ABCB4: variants seen among roughly 807,000 people sequenced by gnomAD.
ABCB4 encodes ATP binding cassette subfamily B member 4, also known as phosphatidylcholine translocator ABCB4.
Under a neutral mutation model 145.7 loss-of-function variants are expected in ABCB4, and 76 were observed. The ratio of observed to expected loss-of-function variants is 0.52; its 90% CI spans 0.43 to 0.63. ABCB4 has a LOEUF of 0.63. Ranked by LOEUF, ABCB4 falls within the 30% of genes least tolerant of loss-of-function variation. The probability of loss-of-function intolerance (pLI) is 0.00; values close to 1 mark genes in which losing one functional copy is unlikely to be tolerated. For synonymous variants in ABCB4, 517 were observed against 566.8 expected (o/e 0.91, Z 1.25); for missense variants, 1,234 against 1,553.1 (o/e 0.79, Z 3.45).
At chr7:87,371,007 A>G in the ABCB4 span, among the ~76,000 whole-genome samples, 1,307 of 152,334 alleles carry the variant, frequency 8.6e-3, 20 homozygotes, top group African/African-American at 0.03. Flanking sequence ...TACACAGAGT[A>G]GAAGATGTTT....
chr7:87,433,637 T>C (rs1014366993), intron 14 of ABCB4, among the ~76,000 whole-genome samples: 6 of 150,854 alleles, frequency 4.0e-5, no homozygotes, highest in Admixed American at 1.3e-4. Context: ...CCAAGAGAAG[T>C]TGGCCAAAGT....
the ABCB4 span, among the ~76,000 whole-genome samples, chr7:87,371,723 G>T: frequency 4.6e-5 from 7 of 152,210 alleles, no homozygotes; most frequent in South Asian, 1.5e-3. Context: ...GGACACAGTG[G>T]CTCATGCCTG....
At chr7:87,408,298 A>G in intron 24 of ABCB4, 64 bp from the exon 25 acceptor site, 1 of 1,500,080 alleles carries the variant, frequency 6.7e-7, no homozygotes, top group South Asian at 1.2e-5. Context: ...AAGAAATATT[A>G]TTTCAAGGAA....
At chr7:87,467,636 T>A (rs942862441) in intron 3 of ABCB4, among the ~76,000 whole-genome samples, 6 of 152,208 alleles carry the variant, frequency 3.9e-5, no homozygotes, top group African/African-American at 1.4e-4. Context: ...ATTGACCACG[T>A]AGTTGGAAGT....
In ABCB4 at chr7:87,440,396, T is replaced by C. The variant is rs761696965; in HGVS notation, c.1363A>G (p.Ile455Val). 3.7e-6 allele frequency: 6 copies of C among 1,613,538 alleles called. No individual in the cohort carries two copies. The South Asian group carries it at 4.4e-5, about 12-fold the overall frequency. ...LYDPDEGTIN[I>V]DGQDIRNFNV... ...AAGTTCCTAATATCCTGCCCATCAATGTTAATCTGAAAGAAAGAAATATTT... is the reference window on the plus strand; with the variant it reads ...AAGTTCCTAATATCCTGCCCATCAACGTTAATCTGAAAGAAAGAAATATTT... Residue 455 changes from isoleucine (I) to valine (V), a missense_variant, in exon 13 of 28, where the codon ATT becomes GTT. Coordinates refer to ENST00000649586, the MANE Select transcript of ABCB4 (RefSeq NM_000443.4).
At chr7:87,393,558 G>C in the ABCB4 span, among the ~76,000 whole-genome samples, 1 of 152,070 alleles carries the variant, frequency 6.6e-6, no homozygotes, top group Non-Finnish European at 1.5e-5. Flanking sequence ...AGAAAGAAAA[G>C]ATCAAAACCT....
At chr7:87,398,933 T>A (rs1206138611), downstream of ABCB4, 1 of 303,104 alleles carries the variant, frequency 3.3e-6, no homozygotes. Flanking sequence ...CTACAAACTT[T>A]AACAATGCAA....
intron 5 of ABCB4, 37 bp from the exon 6 acceptor site, chr7:87,453,172 T>A: frequency 1.3e-6 from 2 of 1,591,066 alleles, no homozygotes; most frequent in Non-Finnish European, 1.7e-6. Context: ...AAATACCTTC[T>A]CTTTTCTTTT....
the ABCB4 span, among the ~76,000 whole-genome samples, chr7:87,391,416 T>C: frequency 2.0e-5 from 3 of 152,072 alleles, no homozygotes; most frequent in African/African-American, 4.8e-5. Flanking sequence ...ATTATCAGAG[T>C]ATTTTTTGCT....
the ABCB4 span, chr7:87,392,766 C>T: frequency 6.2e-7 from 1 of 1,613,676 alleles, no homozygotes; most frequent in Non-Finnish European, 8.5e-7. Context: ...TTACTCATAG[C>T]AAAAGAGGAA....
chr7:87,409,777 G>A (rs527640786), intron 23 of ABCB4, among the ~76,000 whole-genome samples: 15 of 152,312 alleles, frequency 9.8e-5, no homozygotes, highest in African/African-American at 3.1e-4. Flanking sequence ...AGCACAAAGT[G>A]TGTAAGGGCC....
intron 4 of ABCB4, among the ~76,000 whole-genome samples, chr7:87,456,578 G>A (rs1197908411): frequency 6.6e-6 from 1 of 152,164 alleles, no homozygotes; most frequent in Non-Finnish European, 1.5e-5. Context: ...GCCCCAAACA[G>A]ATGTGGGTAC....
At chr7:87,383,697 G>A in the ABCB4 span, among the ~76,000 whole-genome samples, 14 of 152,010 alleles carry the variant, frequency 9.2e-5, no homozygotes, top group South Asian at 2.5e-3. Context: ...GGGTTTCGTC[G>A]TGTTGGCCAG....
chr7:87,431,640 T>C (rs969018795), intron 14 of ABCB4, 75 bp from the exon 15 acceptor site: 5 of 1,564,802 alleles, frequency 3.2e-6, no homozygotes, highest in South Asian at 2.2e-5. Context: ...AGTTAAGCAC[T>C]TGGATGAATG....
chr7:87,443,338 T>A lies in ABCB4; in HGVS notation c.1337A>T (p.Tyr446Phe). The A allele has an allele frequency of 6.2e-7, 1 of 1,614,136 alleles. No homozygotes were observed. Among genetic ancestry groups the A allele is most frequent in the Non-Finnish European group, 8.5e-7 (1 of 1,179,994 alleles). The change falls in exon 12 of 28, where the codon TAT becomes TTT. Residue 446 changes from tyrosine to phenylalanine, a missense_variant. Around this residue, in one of 7 missense-constraint regions of ABCB4, gnomAD observed 467 missense variants for 632.8 expected, o/e 0.74. Transcript: ENST00000649586. ...STTVQLIQRLYDPDEGTINID... is the reference protein window; with the variant it reads ...STTVQLIQRLFDPDEGTINID... ...ACTTACTGTGCCCTCATCAGGGTCA[T>A]AGAGCCTCTGTATCAGCTGGACCGT...
chr7:87,409,601 G>A (rs573126288), intron 23 of ABCB4, among the ~76,000 whole-genome samples: 6 of 152,186 alleles, frequency 3.9e-5, no homozygotes, highest in South Asian at 2.1e-4. Flanking sequence ...ACCTTTTCTC[G>A]ACTTGCTTTC....
In ABCB4 at chr7:87,431,389, C is replaced by CT; in HGVS notation, c.1893+14dup. On this transcript the variant is annotated intron_variant, in intron 15 of 27. Coordinates refer to ENST00000649586, the MANE Select transcript of ABCB4 (RefSeq NM_000443.4). ...GAGGAGCAAATAGCAGAAAAAATTC[C>CT]TGAAAAGCAAGTACCTGCATGTTGA... The CT allele has an allele frequency of 6.2e-7, 1 of 1,613,922 alleles. No homozygotes were observed. Among genetic ancestry groups the CT allele is most frequent in the Non-Finnish European group, 8.5e-7 (1 of 1,179,908 alleles).
chr7:87,463,136 GAATA>G (rs1812579018), intron 3 of ABCB4, among the ~76,000 whole-genome samples: 1 of 151,966 alleles, frequency 6.6e-6, no homozygotes, highest in Non-Finnish European at 1.5e-5. Flanking sequence ...TATCTGATTT[GAATA>G]AATAATTACT....
At chr7:87,406,601 G>T in intron 25 of ABCB4, 107 bp from the exon 26 acceptor site, 1 of 1,207,602 alleles carries the variant, frequency 8.3e-7, no homozygotes, top group Non-Finnish European at 1.2e-6. Context: ...GGTGTCAGCA[G>T]CTTCAAAACA....
Sources: gnomAD v4.1 joint callset for allele counts (sites outside exome capture counted in the v4.1 genomes callset) on GRCh38, gnomAD v4.1.1 for gene constraint, gnomAD v4.1.1 regional missense constraint, MANE v1.5 for transcripts, NCBI Gene and HGNC (gene_info 2026-07-23, HGNC 2026-07-21) for gene names.